Variants in GRB14 observed in about 807,000 individuals in gnomAD.
The protein encoded by GRB14 is growth factor receptor-bound protein 14.
GRB14 carries 38 observed loss-of-function variants against 69.1 expected under a neutral mutation model. The observed-to-expected ratio is 0.55, with a 90% CI of 0.42 to 0.72. The LOEUF is 0.72. Ranked by LOEUF, GRB14 falls within the 30% of genes least tolerant of loss-of-function variation. The probability of loss-of-function intolerance (pLI) is 0.00; values close to 1 mark genes in which losing one functional copy is unlikely to be tolerated. For synonymous variants in GRB14, 247 were observed against 241.3 expected (o/e 1.02, Z -0.22); for missense variants, 666 against 666.1 (o/e 1.00, Z 0.00).
rs746861201 is a variant in GRB14, at chr2:164,547,705, C to G, written c.436G>C (p.Asp146His). The change falls in exon 3 of 14, where the codon GAC becomes CAC. Residue 146 changes from aspartate to histidine, a missense_variant. Transcript: ENST00000263915. ...LLILKNHYID[D>H]HSWTLFEHLP... Reference sequence around the variant, plus strand: ...TGCTCAAAAAGGGTCCAGCTGTGGTCATCAATGTAATGATTCTTCAGGATC... The same window carrying G: ...TGCTCAAAAAGGGTCCAGCTGTGGTGATCAATGTAATGATTCTTCAGGATC... The G allele has an allele frequency of 6.2e-7, 1 of 1,613,788 alleles. No homozygotes were observed. Among genetic ancestry groups the G allele is most frequent in the South Asian group, 1.1e-5 (1 of 91,056 alleles).
chr2:164,615,658 G>A (rs549483479), intron 2 of GRB14, among the ~76,000 whole-genome samples: 40 of 152,240 alleles, frequency 2.6e-4, no homozygotes, highest in African/African-American at 9.1e-4. Context: ...TAGAAGATCT[G>A]AAAAATCCCA....
chr2:164,615,531 T>C (rs932894605), intron 2 of GRB14, among the ~76,000 whole-genome samples: 9 of 152,186 alleles, frequency 5.9e-5, no homozygotes, highest in Admixed American at 5.9e-4. Context: ...CTTTAGAAAT[T>C]GTACCTTCCT....
chr2:164,546,024 A>G (rs1279762969), intron 3 of GRB14, among the ~76,000 whole-genome samples: 1 of 152,220 alleles, frequency 6.6e-6, no homozygotes, highest in Admixed American at 6.5e-5. Flanking sequence ...AACCACTGCT[A>G]TGGATATTTG....
At chr2:164,536,876 A>G (rs1688092502) in intron 3 of GRB14, among the ~76,000 whole-genome samples, 1 of 152,184 alleles carries the variant, frequency 6.6e-6, no homozygotes, top group Admixed American at 6.5e-5. Flanking sequence ...CCTATATAGT[A>G]TGTCCTGTGG....
At chr2:164,510,345 G>A (rs368974246) in intron 6 of GRB14, among the ~76,000 whole-genome samples, 9 of 152,104 alleles carry the variant, frequency 5.9e-5, no homozygotes, top group Non-Finnish European at 7.4e-5. Flanking sequence ...GAAGTTGAAC[G>A]GGCATGGTTA....
intron 4 of GRB14, among the ~76,000 whole-genome samples, chr2:164,526,062 A>C (rs73971026): frequency 0.041 from 6,302 of 152,148 alleles, 430 homozygotes; most frequent in African/African-American, 0.14. Context: ...TTTAATAAGG[A>C]CTCACAACAA....
At chr2:164,548,447 A>G (rs1167456462) in intron 2 of GRB14, among the ~76,000 whole-genome samples, 1 of 152,148 alleles carries the variant, frequency 6.6e-6, no homozygotes, top group African/African-American at 2.4e-5. Flanking sequence ...TCCAATATAC[A>G]CCCATCAGTG....
chr2:164,541,781 G>A (rs992003473), intron 3 of GRB14, among the ~76,000 whole-genome samples: 3 of 151,894 alleles, frequency 2.0e-5, no homozygotes, highest in Non-Finnish European at 4.4e-5. Context: ...GTGATGCTGA[G>A]GTCTGGATAC....
At position 164,495,316 on chromosome 2, in the gene GRB14, T is replaced by C. The variant is rs540497308; in HGVS notation, c.1383-792A>G. On this transcript the variant is annotated intron_variant, in intron 12 of 13. Coordinates refer to ENST00000263915, the MANE Select transcript of GRB14 (RefSeq NM_004490.3). ...TTTTGATTCTGGTTTCAACTGTTCA[T>C]ACACAATAGCAAGAAAGAAATCAAT... is the stretch of plus-strand genomic sequence containing the variant. Among the ~76,000 whole-genome samples the C allele has an allele frequency of 8.5e-5, 13 of 152,278 alleles. No homozygotes were observed. The East Asian group carries it at 2.5e-3, about 29-fold the overall frequency.
At chr2:164,618,621 A>T (rs1690366069) in intron 2 of GRB14, among the ~76,000 whole-genome samples, 2 of 152,106 alleles carry the variant, frequency 1.3e-5, no homozygotes, top group Admixed American at 1.3e-4. Flanking sequence ...TCCCCCCAAA[A>T]ATATATACAC....
At chr2:164,582,850 G>A (rs1689449282) in intron 2 of GRB14, among the ~76,000 whole-genome samples, 1 of 152,166 alleles carries the variant, frequency 6.6e-6, no homozygotes, top group Non-Finnish European at 1.5e-5. Flanking sequence ...TAGTATGGTG[G>A]TAGAAACAGT....
chr2:164,530,414 T>C (rs1175082821), intron 3 of GRB14, among the ~76,000 whole-genome samples: 1 of 152,038 alleles, frequency 6.6e-6, no homozygotes, highest in African/African-American at 2.4e-5. Flanking sequence ...GGGGATCACA[T>C]TTCAACATGA....
intron 2 of GRB14, chr2:164,573,868 T>C (rs1689180270): frequency 6.2e-7 from 1 of 1,613,030 alleles, no homozygotes; most frequent in Non-Finnish European, 8.5e-7. Context: ...TGATTAGAAA[T>C]GCAAGACTGG....
intron 5 of GRB14, 27 bp from the exon 6 acceptor site, chr2:164,522,144 A>G (rs1174954921): frequency 1.5e-6 from 2 of 1,356,916 alleles, no homozygotes; most frequent in African/African-American, 1.5e-5. Flanking sequence ...ATATTTTCAA[A>G]CTATGATTAA....
At chr2:164,557,827 TAA>T (rs1040654629) in intron 2 of GRB14, among the ~76,000 whole-genome samples, 3 of 152,172 alleles carry the variant, frequency 2.0e-5, no homozygotes, top group Non-Finnish European at 4.4e-5. Flanking sequence ...CATGCCTGGC[TAA>T]AGAGATTCAG....
intron 2 of GRB14, among the ~76,000 whole-genome samples, chr2:164,585,132 G>C (rs567301446): frequency 1.1e-5 from 1 of 91,734 alleles, no homozygotes; most frequent in Admixed American, 1.6e-4. Flanking sequence ...TTTTTTAGTA[G>C]AGATGGGGTT....
intron 2 of GRB14, 149 bp downstream of exon 2, chr2:164,619,537 AT>A (rs1690393102): frequency 1.7e-6 from 1 of 578,986 alleles, no homozygotes; most frequent in South Asian, 2.6e-5. Flanking sequence ...TAAATGGAAA[AT>A]AATGCCAAAG....
intron 2 of GRB14, among the ~76,000 whole-genome samples, chr2:164,549,406 C>A (rs189969870): frequency 3.9e-5 from 6 of 152,212 alleles, no homozygotes; most frequent in Admixed American, 6.5e-5. Context: ...ATTTAATTTT[C>A]TTATACACTG....
At chr2:164,505,610 T>G (rs1231343945) in intron 8 of GRB14, among the ~76,000 whole-genome samples, 1 of 152,168 alleles carries the variant, frequency 6.6e-6, no homozygotes, top group African/African-American at 2.4e-5. Flanking sequence ...ATACCTCAAT[T>G]AATGTATTCT....
Sources: allele counts gnomAD v4.1 joint callset (sites outside exome capture counted in the v4.1 genomes callset), GRCh38; gene constraint gnomAD v4.1.1; transcripts MANE v1.5; gene names NCBI Gene and HGNC (gene_info 2026-07-23, HGNC 2026-07-21).